Variants in GABBR2 observed in about 807,000 individuals in gnomAD.
GABBR2 encodes the protein G-protein coupled receptor 51.
Under a neutral mutation model 105.6 loss-of-function variants are expected in GABBR2, and 23 were observed. The ratio of observed to expected loss-of-function variants is 0.22; its 90% CI spans 0.16 to 0.31. GABBR2 has a LOEUF of 0.31. GABBR2 is among the 10% of genes least tolerant of loss of function. The pLI, the probability that GABBR2 is intolerant of heterozygous loss-of-function variation, is 1.00. For missense variants in GABBR2, 734 were observed against 1,245.5 expected, an observed-to-expected ratio of 0.59 and a Z score of 6.18; for synonymous variants, 478 against 499.7, an observed-to-expected ratio of 0.96 and a Z score of 0.58.
At chr9:98,643,072 G>A (rs1412953309) in intron 1 of GABBR2, among the ~76,000 whole-genome samples, 3 of 152,228 alleles carry the variant, frequency 2.0e-5, no homozygotes, top group Non-Finnish European at 4.4e-5. Flanking sequence ...CATGGGTAAT[G>A]AAGTGGAAAA....
chr9:98,636,264 G>A (rs940647111), intron 1 of GABBR2, among the ~76,000 whole-genome samples: 1 of 152,148 alleles, frequency 6.6e-6, no homozygotes, highest in Non-Finnish European at 1.5e-5. Context: ...TACCTCTGCA[G>A]GCAGAGCAGT....
At chr9:98,673,049 A>G (rs748265965) in intron 1 of GABBR2, among the ~76,000 whole-genome samples, 1 of 152,264 alleles carries the variant, frequency 6.6e-6, no homozygotes, top group African/African-American at 2.4e-5. Context: ...AAAGTCTCCA[A>G]TGAAATAAGT....
chr9:98,504,212 A>T (rs939363786), intron 3 of GABBR2, among the ~76,000 whole-genome samples: 5 of 152,234 alleles, frequency 3.3e-5, no homozygotes, highest in African/African-American at 1.2e-4. Context: ...GAAAGGAGGC[A>T]GGAAGACATG....
At chr9:98,443,322 A>AT (rs1192356565) in intron 7 of GABBR2, among the ~76,000 whole-genome samples, 6 of 152,258 alleles carry the variant, frequency 3.9e-5, no homozygotes, top group Non-Finnish European at 7.4e-5. Flanking sequence ...GGAAATAGCT[A>AT]TTTTTTCCCT....
intron 3 of GABBR2, among the ~76,000 whole-genome samples, chr9:98,522,123 CAAG>C (rs1279744163): frequency 6.9e-6 from 1 of 145,808 alleles, no homozygotes. Flanking sequence ...TTAGAAGCAA[CAAG>C]GAGCAGAATT....
At chr9:98,656,124 G>A (rs1320206062) in intron 1 of GABBR2, among the ~76,000 whole-genome samples, 1 of 152,206 alleles carries the variant, frequency 6.6e-6, no homozygotes, top group Non-Finnish European at 1.5e-5. Flanking sequence ...AGTGGGTACA[G>A]GGAGATAATT....
intron 1 of GABBR2, among the ~76,000 whole-genome samples, chr9:98,579,477 C>T (rs1289737327): frequency 2.6e-5 from 4 of 152,168 alleles, no homozygotes; most frequent in African/African-American, 4.8e-5. Flanking sequence ...GGGTGTCTTA[C>T]CTCCCCATGG....
chr9:98,607,842 A>G, intron 1 of GABBR2: 1 of 1,076,212 alleles, frequency 9.3e-7, no homozygotes. Context: ...CACAAATGGA[A>G]GAAGAAAGAA....
intron 4 of GABBR2, among the ~76,000 whole-genome samples, chr9:98,493,355 C>T (rs566138238): frequency 2.0e-5 from 3 of 152,288 alleles, no homozygotes; most frequent in South Asian, 2.1e-4. Context: ...GTGTTAGGAA[C>T]CAAAATCTGG....
intron 13 of GABBR2, among the ~76,000 whole-genome samples, chr9:98,358,415 C>A (rs1012913431): frequency 3.3e-5 from 5 of 152,318 alleles, no homozygotes; most frequent in Admixed American, 6.5e-5. Flanking sequence ...TGCCTGAGTG[C>A]TCCCATACCA....
intron 1 of GABBR2, among the ~76,000 whole-genome samples, chr9:98,626,249 G>C (rs767386917): frequency 1.3e-5 from 2 of 152,188 alleles, no homozygotes; most frequent in Non-Finnish European, 2.9e-5. Context: ...GTGGATTGGA[G>C]GAAAATGGGG....
Position 98,617,830 on chromosome 9 carries a change from G to A in GABBR2, c.322-39758C>T, listed in dbSNP as rs142864629. 8.5e-3 allele frequency among the ~76,000 whole-genome samples: 1,288 copies of A among 152,314 alleles called. 9 individuals are homozygous for A. Among genetic ancestry groups the A allele is most frequent in the Middle Eastern group, 0.02 (6 of 294 alleles). On this transcript the variant is annotated intron_variant, in intron 1 of 18. Transcript: ENST00000259455. Reference sequence around the variant, plus strand: ...AACAAGACCACAGGCAGTGATGGAAGAATCATGGCCAGAGTGGACTTACAG... The same window carrying A: ...AACAAGACCACAGGCAGTGATGGAAAAATCATGGCCAGAGTGGACTTACAG...
At chr9:98,628,837 T>C (rs778178676) in intron 1 of GABBR2, among the ~76,000 whole-genome samples, 4 of 152,144 alleles carry the variant, frequency 2.6e-5, no homozygotes, top group Non-Finnish European at 5.9e-5. Flanking sequence ...CCCAGCTTCC[T>C]CCCGTGAAGC....
At chr9:98,672,518 G>A (rs1411499738) in intron 1 of GABBR2, among the ~76,000 whole-genome samples, 1 of 152,256 alleles carries the variant, frequency 6.6e-6, no homozygotes, top group Non-Finnish European at 1.5e-5. Flanking sequence ...CAGATTCTCA[G>A]GGTTCGTCTG....
At chr9:98,538,100 C>T (rs1328180204) in intron 3 of GABBR2, among the ~76,000 whole-genome samples, 2 of 152,188 alleles carry the variant, frequency 1.3e-5, no homozygotes, top group Non-Finnish European at 2.9e-5. Flanking sequence ...AAGCAAATGG[C>T]TATTTAGTGA....
At chr9:98,448,656 G>A (rs1039687086) in intron 7 of GABBR2, among the ~76,000 whole-genome samples, 14 of 152,036 alleles carry the variant, frequency 9.2e-5, no homozygotes, top group Admixed American at 5.9e-4. Flanking sequence ...AGGCTCAAGC[G>A]ATCCACCCAC....
chr9:98,590,094 G>A (rs1411589909), intron 1 of GABBR2, among the ~76,000 whole-genome samples: 1 of 152,180 alleles, frequency 6.6e-6, no homozygotes, highest in African/African-American at 2.4e-5. Context: ...CCAAACAGGT[G>A]TTTAATACAT....
intron 3 of GABBR2, among the ~76,000 whole-genome samples, chr9:98,536,993 C>T (rs569529517): frequency 6.6e-6 from 1 of 152,306 alleles, no homozygotes; most frequent in Admixed American, 6.5e-5. Flanking sequence ...AGGTCTCCCA[C>T]CACCAGAGGG....
intron 1 of GABBR2, among the ~76,000 whole-genome samples, chr9:98,629,937 A>G (rs1829794349): frequency 6.6e-6 from 1 of 152,142 alleles, no homozygotes; most frequent in Non-Finnish European, 1.5e-5. Flanking sequence ...ATTTTCTCCA[A>G]TCTACAAGGT....
Sources: gnomAD v4.1 joint callset for allele counts (sites outside exome capture counted in the v4.1 genomes callset) on GRCh38, gnomAD v4.1.1 for gene constraint, MANE v1.5 for transcripts, NCBI Gene and HGNC (gene_info 2026-07-23, HGNC 2026-07-21) for gene names.